The following CHL1 variants were observed in gnomAD, a reference collection of about 807,000 sequenced individuals.
CHL1 encodes the protein cell adhesion molecule L1 like.
Under a neutral mutation model 141.9 loss-of-function variants are expected in CHL1, and 96 were observed. The observed-to-expected ratio is 0.68, with a 90% CI of 0.57 to 0.80. The LOEUF is 0.80. Among genes scored for constraint, CHL1 ranks in the 30% least tolerant of loss-of-function variants. The pLI is 0.00. For missense variants in CHL1, 1,820 were observed against 1,457.2 expected, an observed-to-expected ratio of 1.25 and a Z score of -4.05; for synonymous variants, 613 against 502.2, an observed-to-expected ratio of 1.22 and a Z score of -2.95.
rs1260095929 is a variant in CHL1 at position 333,087 on chromosome 3, G to A, written c.385+4733G>A. Among the ~76,000 whole-genome samples, 4 of 142,798 alleles carry A rather than the reference G, an allele frequency of 2.8e-5. No homozygotes were observed. In the South Asian group the frequency reaches 9.0e-4, roughly 32 times the overall value. 93.7% of individuals were successfully genotyped at this position (142,798 alleles called of 152,430 possible). A position where few individuals can be genotyped will look rare whatever the true frequency, so the allele number is the denominator to read the frequency against. On this transcript the variant is annotated intron_variant, in intron 5 of 27. Coordinates refer to ENST00000256509, the MANE Select transcript of CHL1 (RefSeq NM_006614.4). ...ATGAGAGTATTGTATTAAGAGCTGG[G>A]AGTTGGATCTGAGCTACGTTGTTGG... is the stretch of plus-strand genomic sequence containing the variant.
chr3:300,283 T>C (rs1400436968), intron 2 of CHL1, among the ~76,000 whole-genome samples: 1 of 152,072 alleles, frequency 6.6e-6, no homozygotes, highest in African/African-American at 2.4e-5. Flanking sequence ...TAAATGAACC[T>C]TTGGATTTAC....
At chr3:262,751 G>C (rs1694840418) in intron 2 of CHL1, among the ~76,000 whole-genome samples, 1 of 152,188 alleles carries the variant, frequency 6.6e-6, no homozygotes. Context: ...AGTCTTGTCA[G>C]ACTTTCTAAG....
chr3:295,871 C>T (rs573211467), intron 2 of CHL1, among the ~76,000 whole-genome samples: 4 of 152,248 alleles, frequency 2.6e-5, no homozygotes, highest in South Asian at 4.2e-4. Flanking sequence ...ATGTTTTAAG[C>T]GACGATTGAG....
rs771118697 is a variant in CHL1 at position 390,947 on chromosome 3, C to G, written c.2587-8C>G. 5.2e-5 allele frequency: 84 copies of G among 1,612,346 alleles called. No individual in the cohort carries two copies. The highest frequency in any genetic ancestry group is 6.9e-5 in the Non-Finnish European group (81 of 1,178,808). On this transcript the variant is annotated splice_region_variant and splice_polypyrimidine_tract_variant and intron_variant, in intron 21 of 27. Coordinates refer to ENST00000256509, the MANE Select transcript of CHL1 (RefSeq NM_006614.4). ...GGATATACTAAAAGATTTTGGTTTT[C>G]ATTGCAGATAAATTGGTGGAAAACA...
chr3:371,040 G>C (rs1705564197), intron 15 of CHL1, among the ~76,000 whole-genome samples: 1 of 152,176 alleles, frequency 6.6e-6, no homozygotes, highest in Non-Finnish European at 1.5e-5. Flanking sequence ...GTGGGTTTTA[G>C]AATAAGGGTG....
intron 1 of CHL1, among the ~76,000 whole-genome samples, chr3:216,486 T>A (rs1700331911): frequency 6.6e-6 from 1 of 152,206 alleles, no homozygotes; most frequent in African/African-American, 2.4e-5. Context: ...AATACTTTTA[T>A]GAATGAAAGA....
chr3:283,838 C>T (rs1029883513), intron 2 of CHL1, among the ~76,000 whole-genome samples: 10 of 152,302 alleles, frequency 6.6e-5, no homozygotes, highest in South Asian at 6.2e-4. Context: ...TCCCTCTCCT[C>T]CACCCCAGTT....
intron 2 of CHL1, among the ~76,000 whole-genome samples, chr3:267,039 G>T (rs542230708): frequency 6.6e-6 from 1 of 152,086 alleles, no homozygotes; most frequent in Admixed American, 6.6e-5. Context: ...TTTTTATGTT[G>T]ATGAATCTAT....
chr3:342,715 C>T (rs906020646), intron 7 of CHL1, among the ~76,000 whole-genome samples: 3 of 151,768 alleles, frequency 2.0e-5, no homozygotes, highest in Non-Finnish European at 4.4e-5. Context: ...GTAGATATGC[C>T]ATGCCAGGGC....
chr3:292,159 C>T (rs1157925631), intron 2 of CHL1, among the ~76,000 whole-genome samples: 1 of 152,220 alleles, frequency 6.6e-6, no homozygotes, highest in Admixed American at 6.5e-5. Context: ...GAAATGCTGA[C>T]TCTGTGTTTC....
chr3:399,053 G>C lies in CHL1; in HGVS notation c.3290G>C (p.Gly1097Ala), dbSNP rs113284420. ...TTATATGATGACATCTCCACTCAAGGCTGGTTTATTGGACTGATGTGTGCG... is the reference window on the plus strand; with the variant it reads ...TTATATGATGACATCTCCACTCAAGCCTGGTTTATTGGACTGATGTGTGCG... ...AGLYDDISTQGWFIGLMCAIA... is the reference protein window; with the variant it reads ...AGLYDDISTQAWFIGLMCAIA... Residue 1097 changes from glycine to alanine, a missense_variant, in exon 26 of 28, where the codon GGC becomes GCC. Transcript: ENST00000256509. The C allele has an allele frequency of 1.2e-6, 2 of 1,612,570 alleles. No homozygotes were observed. The highest frequency in any genetic ancestry group is 1.7e-6 in the Non-Finnish European group (2 of 1,178,672).
intron 16 of CHL1, among the ~76,000 whole-genome samples, chr3:381,193 A>C (rs1016562081): frequency 1.3e-5 from 2 of 152,128 alleles, no homozygotes; most frequent in Non-Finnish European, 2.9e-5. Flanking sequence ...GAGAAGAGGG[A>C]GGTAATATGG....
In CHL1 at chr3:382,653, C is replaced by T. The variant is rs1235941797; in HGVS notation, c.2158C>T (p.His720Tyr). 2.5e-6 allele frequency: 4 copies of T among 1,613,518 alleles called. No individual in the cohort carries two copies. The highest frequency in any genetic ancestry group is 1.6e-4 in the Middle Eastern group (1 of 6,078). The change falls in exon 18 of 28, where the codon CAT (histidine) becomes TAT (tyrosine). Residue 720 changes from histidine to tyrosine, a missense_variant. His to Tyr is a moderately conservative substitution (Grantham distance 83). Coordinates refer to ENST00000256509, the MANE Select transcript of CHL1 (RefSeq NM_006614.4). Reference sequence around the variant, plus strand: ...TCAGCCTAGCCAGCCGTCAGACCATCATGAAACACCACCAGCAGGTATGCA... The same window carrying T: ...TCAGCCTAGCCAGCCGTCAGACCATTATGAAACACCACCAGCAGGTATGCA... ...RSQPSQPSDH[H>Y]ETPPAAPDRN...
intron 1 of CHL1, among the ~76,000 whole-genome samples, chr3:237,246 A>G (rs1692082824): frequency 6.6e-6 from 1 of 152,078 alleles, no homozygotes; most frequent in Non-Finnish European, 1.5e-5. Context: ...GATGGTTTAA[A>G]AGTGTGTGGA....
intron 5 of CHL1, among the ~76,000 whole-genome samples, chr3:329,806 A>G (rs1353183950): frequency 1.3e-5 from 2 of 152,142 alleles, no homozygotes; most frequent in East Asian, 3.8e-4. Flanking sequence ...AGGTATGACC[A>G]TATTAATGTC....
intron 1 of CHL1, among the ~76,000 whole-genome samples, chr3:242,117 G>A (rs1692632142): frequency 1.3e-5 from 2 of 151,970 alleles, no homozygotes. Context: ...TTTATCATAA[G>A]AAAAGATTAA....
intron 12 of CHL1, 68 bp downstream of exon 12, chr3:360,492 A>G (rs959734335): frequency 6.6e-7 from 1 of 1,510,280 alleles, no homozygotes; most frequent in South Asian, 1.2e-5. Flanking sequence ...TCATGTTCAG[A>G]AGTGTATTAA....
chr3:289,889 T>G (rs572886075), intron 2 of CHL1, among the ~76,000 whole-genome samples: 25 of 151,804 alleles, frequency 1.6e-4, no homozygotes, highest in African/African-American at 5.5e-4. Context: ...AAAATGATCA[T>G]TTTTGTTATG....
rs140070064 is a variant in CHL1, at chr3:319,860, A to T, written c.84A>T (p.Pro28=). ...LLKFSKAIEI[P]SSVQQVPTII... is the part of the protein sequence containing the mutation. The stretch of plus-strand genomic sequence containing the variant: ...AATTCTCAAAAGCAATTGAAATACC[A>T]TCTTCAGGTAAAGTTAAAACATTCA... The change falls in exon 3 of 28, where the codon CCA becomes CCT. Residue 28 remains proline, a synonymous_variant. Coordinates refer to ENST00000256509, the MANE Select transcript of CHL1 (RefSeq NM_006614.4). 9.0e-5 allele frequency: 142 copies of T among 1,569,920 alleles called. No homozygotes were observed. In the African/African-American group the frequency reaches 1.7e-3, roughly 19 times the overall value.
Sources: allele counts gnomAD v4.1 joint callset (sites outside exome capture counted in the v4.1 genomes callset), GRCh38; gene constraint gnomAD v4.1.1; transcripts MANE v1.5; gene names NCBI Gene and HGNC (gene_info 2026-07-23, HGNC 2026-07-21).